DOCK7: variants seen among roughly 807,000 people sequenced by gnomAD.
The protein encoded by DOCK7 is dedicator of cytokinesis protein 7.
Under a neutral mutation model 271.0 loss-of-function variants are expected in DOCK7, and 138 were observed. The ratio of observed to expected loss-of-function variants is 0.51; its 90% CI spans 0.44 to 0.59. The LOEUF (loss-of-function observed/expected upper bound fraction) is 0.59, where lower values mean the gene tolerates loss of function less well. Ranked by LOEUF, DOCK7 falls within the 20% of genes least tolerant of loss-of-function variation. The pLI, the probability that DOCK7 is intolerant of heterozygous loss-of-function variation, is 0.00. For synonymous variants in DOCK7, 823 were observed against 876.1 expected (o/e 0.94, Z 1.07); for missense variants, 2,066 against 2,592.4 (o/e 0.80, Z 4.41).
intron 47 of DOCK7, among the ~76,000 whole-genome samples, chr1:62,474,466 G>A (rs1228171267): frequency 6.6e-6 from 1 of 152,164 alleles, no homozygotes; most frequent in Non-Finnish European, 1.5e-5. Flanking sequence ...GCTAAAACAG[G>A]TTCCCTCAGT....
At chr1:62,601,143 C>T (rs1257156162) in intron 14 of DOCK7, 1 of 1,610,788 alleles carries the variant, frequency 6.2e-7, no homozygotes, top group African/African-American at 1.3e-5. Flanking sequence ...CCAAGAGCAC[C>T]AAGAACTACT....
chr1:62,642,589 C>G (rs1375102004), intron 7 of DOCK7, among the ~76,000 whole-genome samples: 1 of 152,048 alleles, frequency 6.6e-6, no homozygotes, highest in Non-Finnish European at 1.5e-5. Flanking sequence ...ATTATTCTCC[C>G]AAACAGTAAG....
intron 43 of DOCK7, chr1:62,481,306 A>C (rs1242627212): frequency 2.6e-5 from 4 of 152,156 alleles, no homozygotes; most frequent in Non-Finnish European, 5.9e-5. Flanking sequence ...TTTAAAAATA[A>C]ATGTTTGTGT....
intron 22 of DOCK7, among the ~76,000 whole-genome samples, chr1:62,551,298 T>TGTC (rs1553167841): frequency 6.6e-6 from 1 of 150,996 alleles, no homozygotes; most frequent in Non-Finnish European, 1.5e-5. Context: ...GAAGAAGAAT[T>TGTC]GTCTTGGGCC....
intron 6 of DOCK7, 56 bp downstream of exon 6, chr1:62,648,050 A>G: frequency 6.6e-7 from 1 of 1,524,012 alleles, no homozygotes; most frequent in Non-Finnish European, 9.1e-7. Flanking sequence ...ATCAATCATA[A>G]TCCCAAAAGA....
intron 2 of DOCK7, among the ~76,000 whole-genome samples, chr1:62,661,942 A>G (rs1048795922): frequency 1.3e-5 from 2 of 152,188 alleles, no homozygotes; most frequent in Non-Finnish European, 2.9e-5. Context: ...TGTACATTGA[A>G]ATCAGCCAAA....
intron 18 of DOCK7, among the ~76,000 whole-genome samples, chr1:62,573,602 T>G (rs539859689): frequency 6.6e-6 from 1 of 152,128 alleles, no homozygotes; most frequent in Non-Finnish European, 1.5e-5. Flanking sequence ...TTTGTTAAAT[T>G]CATAAAATAA....
At chr1:62,487,061 G>A (rs1646316201) in intron 43 of DOCK7, 1 of 183,856 alleles carries the variant, frequency 5.4e-6, no homozygotes, top group African/African-American at 2.3e-5. Context: ...TGTAAAATGA[G>A]GTGAAACAAT....
At chr1:62,516,812 T>A (rs1269166831) in intron 31 of DOCK7, 1 of 152,430 alleles carries the variant, frequency 6.6e-6, no homozygotes, top group Non-Finnish European at 1.5e-5. Context: ...TCACTTGCCA[T>A]GTCTGCCCCT....
chr1:62,611,419 CA>C (rs1480694089), intron 14 of DOCK7, among the ~76,000 whole-genome samples: 2 of 152,012 alleles, frequency 1.3e-5, no homozygotes, highest in African/African-American at 4.8e-5. Context: ...TCTGAAAATC[CA>C]AAATGCTTCA....
chr1:62,629,835 T>A (rs1454437437), intron 11 of DOCK7, among the ~76,000 whole-genome samples: 1 of 152,226 alleles, frequency 6.6e-6, no homozygotes, highest in African/African-American at 2.4e-5. Context: ...ATATTTCTGG[T>A]CACAAAAACT....
intron 43 of DOCK7, chr1:62,478,981 T>C (rs1238977603): frequency 6.6e-6 from 1 of 151,904 alleles, no homozygotes; most frequent in Non-Finnish European, 1.5e-5. Flanking sequence ...TTTTACAATT[T>C]TTTTTAAAAA....
At chr1:62,579,099 T>A in intron 16 of DOCK7, 133 bp from the exon 17 acceptor site, 1 of 870,862 alleles carries the variant, frequency 1.1e-6, no homozygotes. Flanking sequence ...TATTTTTCTT[T>A]ATCCCCAATC....
intron 14 of DOCK7, among the ~76,000 whole-genome samples, chr1:62,612,190 G>T (rs977930687): frequency 2.0e-5 from 3 of 152,036 alleles, no homozygotes; most frequent in African/African-American, 7.2e-5. Flanking sequence ...ATCTGTTAGA[G>T]ATACATACTG....
At chr1:62,681,302 A>G (rs1661111469) in intron 1 of DOCK7, among the ~76,000 whole-genome samples, 1 of 148,140 alleles carries the variant, frequency 6.8e-6, no homozygotes, top group African/African-American at 2.5e-5. Context: ...ACCAAACACC[A>G]CATGTTCTCA....
At chr1:62,589,433 G>A (rs1302310962) in intron 14 of DOCK7, among the ~76,000 whole-genome samples, 1 of 152,012 alleles carries the variant, frequency 6.6e-6, no homozygotes, top group Non-Finnish European at 1.5e-5. Context: ...AGTGGTCTGT[G>A]ACAATTTTCT....
intron 18 of DOCK7, among the ~76,000 whole-genome samples, chr1:62,568,635 A>T (rs1464164036): frequency 6.7e-6 from 1 of 149,424 alleles, no homozygotes; most frequent in African/African-American, 2.5e-5. Context: ...AAAAGCTAGG[A>T]AGATCTCAAA....
chr1:62,457,840 A>G, intron 48 of DOCK7, 135 bp from the exon 49 acceptor site: 1 of 803,220 alleles, frequency 1.2e-6, no homozygotes, highest in Non-Finnish European at 2.0e-6. Context: ...TGTGGGCCTA[A>G]TCACACACAC....
At position 62,555,950 on chromosome 1, in the gene DOCK7, A is replaced by C. The variant is rs35400360; in HGVS notation, c.2471T>G (p.Ile824Ser). The C allele has an allele frequency of 3.1e-6, 5 of 1,613,736 alleles. No individual in the cohort carries two copies. Among genetic ancestry groups the C allele is most frequent in the Non-Finnish European group, 4.2e-6 (5 of 1,179,930 alleles). The change falls in exon 21 of 50, where the codon ATT (isoleucine) becomes AGT (serine). Residue 824 changes from isoleucine to serine, a missense_variant. Physicochemically the swap from Ile to Ser is moderately radical, Grantham distance 142 (BLOSUM62 -2). Transcript: ENST00000635253. ...GQASFEAMAS[I>S]INRLHKNLEG... ...CAAGTTTTTGTGAAGTCGATTTATA[A>C]TTGATGCCATGGCTTCAAAAGATGC...
Sources: allele counts gnomAD v4.1 joint callset (sites outside exome capture counted in the v4.1 genomes callset), GRCh38; gene constraint gnomAD v4.1.1; transcripts MANE v1.5; gene names NCBI Gene and HGNC (gene_info 2026-07-23, HGNC 2026-07-21).